Variants in NIPAL4 observed in about 807,000 individuals in gnomAD.
NIPAL4 encodes NIPA like domain containing 4.
NIPAL4 carries 21 observed loss-of-function variants against 31.6 expected under a neutral mutation model. The ratio of observed to expected loss-of-function variants is 0.67; its 90% CI spans 0.47 to 0.96. The LOEUF is 0.96. Among genes scored for constraint, NIPAL4 ranks in the 40% least tolerant of loss-of-function variants. The pLI is 0.00. For missense variants in NIPAL4, 438 were observed against 508.0 expected (o/e 0.86, Z 1.32); for synonymous variants, 175 against 211.1 (o/e 0.83, Z 1.48).
At chr5:157,470,498 G>T (rs897961518) in intron 4 of NIPAL4, among the ~76,000 whole-genome samples, 1 of 152,154 alleles carries the variant, frequency 6.6e-6, no homozygotes, top group African/African-American at 2.4e-5. Context: ...ACTTCTTTGA[G>T]ATTCAGTCTT....
chr5:157,472,919 T>A lies in NIPAL4; in HGVS notation c.1174T>A (p.Ser392Thr), dbSNP rs763874783. The A allele has an allele frequency of 8.5e-6, 13 of 1,522,930 alleles. No individual in the cohort carries two copies. The South Asian group carries it at 1.7e-4, about 20-fold the overall frequency. The allele number at this position is 1,522,930 out of a possible 1,614,324, so 94.3% of individuals were successfully genotyped here. The change falls in exon 6 of 6, where the codon TCA (serine) becomes ACA (threonine). Residue 392 changes from serine to threonine, a missense_variant. Coordinates refer to ENST00000311946, the MANE Select transcript of NIPAL4 (RefSeq NM_001099287.2). ...VDNIELASTS[S>T]PEEKPKVFII... ...CAATATAGAACTTGCCAGCACCTCA[T>A]CACCAGAAGAGAAACCCAAAGTATT...
chr5:157,466,751 C>T lies in NIPAL4; in HGVS notation c.278-298C>T, dbSNP rs984157880. The stretch of plus-strand genomic sequence containing the variant: ...CAGGTGGGTGGGGAACATTTAAAAC[C>T]AAGAGCTCCATTTAGGACAGAAATT... On this transcript the variant is annotated intron_variant, in intron 2 of 5. Transcript: ENST00000311946. 5.9e-5 allele frequency among the ~76,000 whole-genome samples: 9 copies of T among 152,104 alleles called. No homozygotes were observed. The South Asian group carries it at 1.7e-3, about 28-fold the overall frequency.
chr5:157,468,285 GA>G (rs1279921231), intron 3 of NIPAL4, among the ~76,000 whole-genome samples: 1 of 152,082 alleles, frequency 6.6e-6, no homozygotes, highest in Non-Finnish European at 1.5e-5. Flanking sequence ...GAAAAGAGGG[GA>G]AAAGTGGGGT....
rs1211141363 is a variant in NIPAL4 at position 157,471,325 on chromosome 5, C to G, written c.426-332C>G. ...ATACATTCAGAATGTTCAGCACATA[C>G]TAAGCCCTCCATATGTGACAGCTGT... On this transcript the variant is annotated intron_variant, in intron 4 of 5. Transcript: ENST00000311946. 2.6e-5 allele frequency among the ~76,000 whole-genome samples: 4 copies of G among 152,192 alleles called. No homozygotes were observed. The East Asian group carries it at 7.7e-4, about 29-fold the overall frequency.
At chr5:157,467,150 A>C in intron 3 of NIPAL4, 45 bp downstream of exon 3, 13 of 787,830 alleles carry the variant, frequency 1.7e-5, no homozygotes, top group Non-Finnish European at 2.5e-5. Flanking sequence ...TATTGATAGC[A>C]GGGCTGGAGA....
chr5:157,462,547 G>T (rs1754137439), intron 1 of NIPAL4, among the ~76,000 whole-genome samples: 1 of 152,260 alleles, frequency 6.6e-6, no homozygotes, highest in East Asian at 1.9e-4. Flanking sequence ...GATGCTACCT[G>T]CTTTATTGAG....
chr5:157,470,546 A>G (rs1754401589), intron 4 of NIPAL4, among the ~76,000 whole-genome samples: 1 of 152,192 alleles, frequency 6.6e-6, no homozygotes, highest in Non-Finnish European at 1.5e-5. Flanking sequence ...TTCACTTTGC[A>G]AAGAGTTATG....
intron 4 of NIPAL4, among the ~76,000 whole-genome samples, chr5:157,471,203 C>T (rs1387270310): frequency 6.6e-6 from 1 of 152,180 alleles, no homozygotes; most frequent in Non-Finnish European, 1.5e-5. Context: ...AGAATTCCAG[C>T]CTGGCCTCTT....
rs1754516654 is a variant in NIPAL4, at chr5:157,474,070, A to G, written c.*1110A>G. On this transcript the variant is annotated 3_prime_UTR_variant, in exon 6 of 6. Transcript: ENST00000311946. The stretch of plus-strand genomic sequence containing the variant: ...CTGGGTTGCAGCCTTAAAGGCTTGG[A>G]CAGCTGTGAATCTCAATGGCCAACT... 6.6e-6 allele frequency: 1 copy of G among 152,218 alleles called. No individual in the cohort carries two copies. The allele number at this position is 152,218 out of a possible 1,614,324, so 9.4% of individuals were successfully genotyped here.
intron 4 of NIPAL4, among the ~76,000 whole-genome samples, chr5:157,470,695 A>G (rs1754406553): frequency 6.6e-6 from 1 of 152,196 alleles, no homozygotes; most frequent in African/African-American, 2.4e-5. Flanking sequence ...GTTATGAATG[A>G]CCCGAGGAGC....
intron 4 of NIPAL4, among the ~76,000 whole-genome samples, chr5:157,470,470 C>A (rs887454190): frequency 5.9e-5 from 9 of 152,300 alleles, no homozygotes; most frequent in African/African-American, 1.9e-4. Context: ...AGTCATTTGA[C>A]CTTGCCAAGT....
rs912435963 is a variant in NIPAL4, at chr5:157,472,592, A to G, written c.847A>G (p.Asn283Asp). Residue 283 changes from asparagine to aspartate, a missense_variant, in exon 6 of 6, where the codon AAC becomes GAC. Transcript: ENST00000311946. The stretch of plus-strand genomic sequence containing the variant: ...CCTCAGCACTCAGGTCAACTTCCTC[A>G]ACAGAGCACTGGACATTTTCAACAC... ...LSLSTQVNFL[N>D]RALDIFNTSL... 5.0e-6 allele frequency: 8 copies of G among 1,613,654 alleles called. No individual in the cohort carries two copies. Among genetic ancestry groups the G allele is most frequent in the Non-Finnish European group, 6.8e-6 (8 of 1,179,768 alleles).
At position 157,463,093 on chromosome 5, in the gene NIPAL4, G is replaced by C; in HGVS notation, c.38-1G>C. On this transcript the variant is annotated splice_acceptor_variant, in intron 1 of 5. Coordinates refer to ENST00000311946, the MANE Select transcript of NIPAL4 (RefSeq NM_001099287.2). LOFTEE classifies it high-confidence loss of function. ...TCTCTCACTGTGGTCTTCCCATCCAGGTTCCCTGCTCCACCTCTACTGCTC... is the reference window on the plus strand; with the variant it reads ...TCTCTCACTGTGGTCTTCCCATCCACGTTCCCTGCTCCACCTCTACTGCTC... The C allele has an allele frequency of 6.2e-7, 1 of 1,613,818 alleles. No homozygotes were observed. Among genetic ancestry groups the C allele is most frequent in the Non-Finnish European group, 8.5e-7 (1 of 1,179,736 alleles).
chr5:157,471,276 G>A (rs1302196844), intron 4 of NIPAL4, among the ~76,000 whole-genome samples: 1 of 152,126 alleles, frequency 6.6e-6, no homozygotes, highest in Admixed American at 6.5e-5. Flanking sequence ...GATGCTGTGA[G>A]GATTAAATGA....
intron 3 of NIPAL4, chr5:157,467,388 G>A (rs1754307029): frequency 5.3e-6 from 2 of 378,720 alleles, no homozygotes; most frequent in African/African-American, 2.1e-5. Context: ...TAATATCACT[G>A]CCTGTTGGTA....
At chr5:157,462,443 A>G (rs1313465806) in intron 1 of NIPAL4, among the ~76,000 whole-genome samples, 4 of 152,216 alleles carry the variant, frequency 2.6e-5, no homozygotes, top group Non-Finnish European at 4.4e-5. Flanking sequence ...GCTTGAGGCT[A>G]GGAGTTCAGA....
rs142864111 is a variant in NIPAL4, at chr5:157,465,792, G to C, written c.278-1257G>C. 2.8e-3 allele frequency among the ~76,000 whole-genome samples: 432 copies of C among 152,294 alleles called. 7 individuals carry two copies. Among genetic ancestry groups the C allele is most frequent in the African/African-American group, 9.1e-3 (378 of 41,554 alleles). On this transcript the variant is annotated intron_variant, in intron 2 of 5. Coordinates refer to ENST00000311946, the MANE Select transcript of NIPAL4 (RefSeq NM_001099287.2). ...GGATCACTTGAGTCCGGGAGTTTGA[G>C]ACCAGCCTGGGAAACATAGCAAGAC... is the stretch of plus-strand genomic sequence containing the variant.
In NIPAL4 at chr5:157,468,714, T is replaced by C. The variant is rs1754347272; in HGVS notation, c.335-8T>C. ...CATGCTAGCCTCTTTTCTCCCTTCGTTTCCTAGTGGCTGCTGGAGAAGTTG... is the reference window on the plus strand; with the variant it reads ...CATGCTAGCCTCTTTTCTCCCTTCGCTTCCTAGTGGCTGCTGGAGAAGTTG... On this transcript the variant is annotated splice_region_variant and splice_polypyrimidine_tract_variant and intron_variant, in intron 3 of 5. Transcript: ENST00000311946. The C allele has an allele frequency of 6.3e-7, 1 of 1,591,788 alleles. No individual in the cohort carries two copies. The highest frequency in any genetic ancestry group is 8.6e-7 in the Non-Finnish European group (1 of 1,160,000).
At chr5:157,464,974 C>T (rs1754214020) in intron 2 of NIPAL4, among the ~76,000 whole-genome samples, 2 of 152,098 alleles carry the variant, frequency 1.3e-5, no homozygotes, top group Non-Finnish European at 2.9e-5. Context: ...CACAGAGTAG[C>T]ACTAGTATTG....
Sources: gnomAD v4.1 joint callset for allele counts (sites outside exome capture counted in the v4.1 genomes callset) on GRCh38, gnomAD v4.1.1 for gene constraint, MANE v1.5 for transcripts, NCBI Gene and HGNC (gene_info 2026-07-23, HGNC 2026-07-21) for gene names.